AKAP8: variants seen among roughly 807,000 people sequenced by gnomAD.
AKAP8 encodes A-kinase anchor protein 8.
Under a neutral mutation model 67.5 loss-of-function variants are expected in AKAP8, and 24 were observed. That is an observed-to-expected ratio of 0.36 (90% CI 0.26 to 0.50). The LOEUF is 0.50. Among genes scored for constraint, AKAP8 ranks in the 20% least tolerant of loss-of-function variants. AKAP8 has a pLI of 0.97. For missense variants in AKAP8, 971 were observed against 955.9 expected (o/e 1.02, Z -0.21); for synonymous variants, 400 against 371.1 (o/e 1.08, Z -0.90).
At chr19:15,374,544 G>A in intron 3 of AKAP8, 59 bp downstream of exon 3, 1 of 1,589,044 alleles carries the variant, frequency 6.3e-7, no homozygotes, top group Non-Finnish European at 8.6e-7. Flanking sequence ...TGACCCGCCT[G>A]GCCTTCAGAT....
chr19:15,366,538 T>C (rs554042980), intron 9 of AKAP8, among the ~76,000 whole-genome samples: 2 of 152,276 alleles, frequency 1.3e-5, no homozygotes, highest in East Asian at 3.9e-4. Context: ...TTCTTTTTTT[T>C]TTTTTGTTCC....
chr19:15,370,320 T>A (rs1247604271), intron 7 of AKAP8, 141 bp from the exon 8 acceptor site: 1 of 899,254 alleles, frequency 1.1e-6, no homozygotes, highest in Non-Finnish European at 1.8e-6. Context: ...AGCCACAGTG[T>A]GTTAGGACCA....
chr19:15,374,470 G>T, intron 3 of AKAP8, 133 bp downstream of exon 3: 2 of 1,105,684 alleles, frequency 1.8e-6, no homozygotes, highest in Non-Finnish European at 2.5e-6. Flanking sequence ...CACAACAGCA[G>T]CCGTGGCTGA....
intron 9 of AKAP8, among the ~76,000 whole-genome samples, chr19:15,363,015 G>A (rs558338353): frequency 9.9e-5 from 15 of 150,914 alleles, no homozygotes; most frequent in East Asian, 3.9e-4. Context: ...CTGCCGCCCC[G>A]TCCGGGATGT....
chr19:15,360,850 T>G lies in AKAP8; in HGVS notation c.1525A>C (p.Arg509=). 6.2e-7 allele frequency: 1 copy of G among 1,612,612 alleles called. No homozygotes were observed. ...GCAGTGTGGGGAGGAAGACTCACCC[T>G]GCGGTTGTGATTGTGGTCCACGGAG... ...LHSVDHNHNR[R]LAAEQFKKTS... The change falls in exon 12 of 14, where the codon AGG becomes CGG. Residue 509 remains arginine, a splice_region_variant and synonymous_variant. Transcript: ENST00000269701.
At chr19:15,359,201 G>T (rs1017186596) in intron 12 of AKAP8, 139 bp from the exon 13 acceptor site, 1 of 729,782 alleles carries the variant, frequency 1.4e-6, no homozygotes, top group Non-Finnish European at 2.3e-6. Context: ...TCCAAGAATA[G>T]AAGGCTCCAG....
chr19:15,361,684 C>T (rs138355044), intron 11 of AKAP8, 45 bp downstream of exon 11: 34,217 of 1,549,524 alleles, frequency 0.022, 499 homozygotes, highest in Non-Finnish European at 0.024. Context: ...TGTCACATGC[C>T]TTACTACCAT....
At chr19:15,370,822 G>A (rs1415147188) in intron 7 of AKAP8, among the ~76,000 whole-genome samples, 1 of 151,944 alleles carries the variant, frequency 6.6e-6, no homozygotes, top group Admixed American at 6.6e-5. Flanking sequence ...AGTAGAGACG[G>A]GGTTTCACCA....
Position 15,361,741 on chromosome 19 carries a change from CTGGTTT to C in AKAP8, c.1378_1383del (p.Lys460_Pro461del), listed in dbSNP as rs1273222020. On this transcript the variant is annotated inframe_deletion, in exon 11 of 14. Coordinates refer to ENST00000269701, the MANE Select transcript of AKAP8 (RefSeq NM_005858.4). ...GATGACAACTCACCTTTGAAAGGATCTGGTTTTGGTTTTGCGGTTTCTTTCTCCATC... is the reference window on the plus strand; with the variant it reads ...GATGACAACTCACCTTTGAAAGGATCTGGTTTTGCGGTTTCTTTCTCCATC... The C allele has an allele frequency of 1.2e-5, 19 of 1,612,736 alleles. No homozygotes were observed. The highest frequency in any genetic ancestry group is 1.5e-5 in the Non-Finnish European group (18 of 1,178,702).
chr19:15,354,869 A>G lies in AKAP8; in HGVS notation c.*46T>C. On this transcript the variant is annotated 3_prime_UTR_variant, in exon 14 of 14. Coordinates refer to ENST00000269701, the MANE Select transcript of AKAP8 (RefSeq NM_005858.4). ...CTTACAAACCAAGGGAGAAAGACCA[A>G]CGCATCCATCATCCCAACGCCTTCC... 1 of 1,596,716 alleles carries G rather than the reference A, an allele frequency of 6.3e-7. No individual in the cohort carries two copies. The highest frequency in any genetic ancestry group is 8.6e-7 in the Non-Finnish European group (1 of 1,169,402).
At chr19:15,356,611 C>T (rs1599554554) in intron 13 of AKAP8, among the ~76,000 whole-genome samples, 1 of 152,016 alleles carries the variant, frequency 6.6e-6, no homozygotes, top group Non-Finnish European at 1.5e-5. Context: ...CCAAGTCTGA[C>T]TCCCTCAGAA....
intron 12 of AKAP8, among the ~76,000 whole-genome samples, chr19:15,359,758 T>C (rs759897604): frequency 2.6e-4 from 40 of 151,820 alleles, no homozygotes; most frequent in African/African-American, 8.2e-4. Context: ...CACACAACCA[T>C]GACTGCACCA....
chr19:15,360,923 G>A lies in AKAP8; in HGVS notation c.1452C>T (p.Cys484=), dbSNP rs778893994. 40 of 1,613,444 alleles carry A rather than the reference G, an allele frequency of 2.5e-5. No individual in the cohort carries two copies. The highest frequency in any genetic ancestry group is 2.1e-4 in the South Asian group (19 of 91,022). Residue 484 remains cysteine, a synonymous_variant, in exon 12 of 14, where the codon TGC becomes TGT. Coordinates refer to ENST00000269701, the MANE Select transcript of AKAP8 (RefSeq NM_005858.4). ...KKIEAAHCLA[C]DMLIPAQPQL... is the part of the protein sequence containing the mutation. ...GCGGCTGTGCAGGAATTAGCATGTC[G>A]CAGGCCAGGCAGTGAGCAGCCTCGA...
At chr19:15,374,145 C>G (rs1343181605) in intron 3 of AKAP8, 80 bp from the exon 4 acceptor site, 1 of 1,474,414 alleles carries the variant, frequency 6.8e-7, no homozygotes, top group East Asian at 2.3e-5. Context: ...GGAGGGGCAC[C>G]CGCTGCCACG....
intron 7 of AKAP8, among the ~76,000 whole-genome samples, chr19:15,370,871 C>T (rs1019285421): frequency 3.9e-5 from 6 of 152,086 alleles, no homozygotes; most frequent in African/African-American, 1.2e-4. Flanking sequence ...ACCTCGTGAT[C>T]CACCCGCCTT....
chr19:15,370,986 G>C (rs539383778), intron 7 of AKAP8, among the ~76,000 whole-genome samples: 1 of 152,300 alleles, frequency 6.6e-6, no homozygotes, highest in Admixed American at 6.5e-5. Flanking sequence ...ATTCAACTGA[G>C]AATCTGAACA....
rs528104941 is a variant in AKAP8, at chr19:15,365,489, G to A, written c.1160+2746C>T. On this transcript the variant is annotated intron_variant, in intron 9 of 13. Coordinates refer to ENST00000269701, the MANE Select transcript of AKAP8 (RefSeq NM_005858.4). ...CCTGGAGGCTCCTGCCCCTTCTGGTGTAGGGGTGCAGGCCCTGTGGCACTC... is the reference window on the plus strand; with the variant it reads ...CCTGGAGGCTCCTGCCCCTTCTGGTATAGGGGTGCAGGCCCTGTGGCACTC... 2.0e-5 allele frequency among the ~76,000 whole-genome samples: 3 copies of A among 152,318 alleles called. No homozygotes were observed. The South Asian group carries it at 6.2e-4, about 32-fold the overall frequency.
chr19:15,370,372 C>T (rs1967134554), intron 7 of AKAP8, among the ~76,000 whole-genome samples, 193 bp from the exon 8 acceptor site: 2 of 152,088 alleles, frequency 1.3e-5, no homozygotes, highest in Non-Finnish European at 2.9e-5. Context: ...CCTGTTATTA[C>T]TCCTAGTTGC....
At chr19:15,362,788 G>C (rs1238668820) in intron 9 of AKAP8, among the ~76,000 whole-genome samples, 1 of 151,978 alleles carries the variant, frequency 6.6e-6, no homozygotes, top group Non-Finnish European at 1.5e-5. Context: ...ACCCCGTCTG[G>C]GAAGTGAGGA....
Sources: allele counts gnomAD v4.1 joint callset (sites outside exome capture counted in the v4.1 genomes callset), GRCh38; gene constraint gnomAD v4.1.1; transcripts MANE v1.5; gene names NCBI Gene and HGNC (gene_info 2026-07-23, HGNC 2026-07-21).